The following SOX6 variants were observed in gnomAD, a reference collection of about 807,000 sequenced individuals.
The protein encoded by SOX6 is SRY-box transcription factor 6.
In SOX6, 11 loss-of-function variants were observed where a neutral mutation model predicts 97.8. The ratio of observed to expected loss-of-function variants is 0.11; its 90% CI spans 0.07 to 0.19. The LOEUF (loss-of-function observed/expected upper bound fraction) is 0.19, where lower values mean the gene tolerates loss of function less well. Ranked by LOEUF, SOX6 falls within the 10% of genes least tolerant of loss-of-function variation. The pLI is 1.00. For synonymous variants in SOX6, 360 were observed against 371.4 expected, an observed-to-expected ratio of 0.97 and a Z score of 0.35; for missense variants, 810 against 1,039.5, an observed-to-expected ratio of 0.78 and a Z score of 3.04.
At chr11:16,717,473 T>A (rs916048356) in intron 2 of SOX6, among the ~76,000 whole-genome samples, 2 of 152,194 alleles carry the variant, frequency 1.3e-5, no homozygotes, top group Non-Finnish European at 2.9e-5. Flanking sequence ...TATTCATTTT[T>A]CTATTTCTTT....
intron 1 of SOX6, among the ~76,000 whole-genome samples, chr11:16,439,190 T>C (rs1859449912): frequency 6.6e-6 from 1 of 152,202 alleles, no homozygotes; most frequent in African/African-American, 2.4e-5. Flanking sequence ...ATAATTATGC[T>C]ACTATTCACA....
intron 13 of SOX6, among the ~76,000 whole-genome samples, chr11:16,002,842 C>A (rs149808513): frequency 1.6e-3 from 240 of 152,272 alleles, no homozygotes; most frequent in South Asian, 4.1e-3. Context: ...TTAAGAAGTG[C>A]AAAGCAAGAT....
At chr11:16,144,721 A>T (rs972301130) in intron 6 of SOX6, among the ~76,000 whole-genome samples, 60 of 152,206 alleles carry the variant, frequency 3.9e-4, no homozygotes, top group Non-Finnish European at 5.7e-4. Context: ...ATTATCAACA[A>T]CTCTATGCAA....
chr11:16,389,230 G>A (rs559647657), intron 1 of SOX6, among the ~76,000 whole-genome samples: 22 of 152,092 alleles, frequency 1.4e-4, no homozygotes, highest in East Asian at 1.4e-3. Context: ...CTATAGGTTC[G>A]TGTCACCACC....
chr11:16,490,431 C>T (rs1289568183), intron 4 of SOX6, among the ~76,000 whole-genome samples: 1 of 151,642 alleles, frequency 6.6e-6, no homozygotes, highest in Non-Finnish European at 1.5e-5. Context: ...TTCTATATAC[C>T]ACTTGTTTCC....
chr11:16,369,288 A>G lies in SOX6; in HGVS notation c.-4-28036T>C, dbSNP rs560846979. The stretch of plus-strand genomic sequence containing the variant: ...TAATTCCTCAAATGTCATATTCTCA[A>G]TGAGTTCTTCTCTGATCATCCTATT... On this transcript the variant is annotated intron_variant, in intron 1 of 15. Transcript: ENST00000396356. Among the ~76,000 whole-genome samples the G allele has an allele frequency of 3.9e-5, 6 of 152,202 alleles. No homozygotes were observed. In the South Asian group the frequency reaches 8.3e-4, roughly 21 times the overall value.
rs1278451686 is a variant in SOX6, at chr11:16,389,965, G to A, written c.-4-48713C>T. On this transcript the variant is annotated intron_variant, in intron 1 of 15. Transcript: ENST00000396356. ...AGCCTGGGCGACAGGGCAAGACTCC[G>A]TCTTAAAAAAAAAAAAAAAAAAAAA... Among the ~76,000 whole-genome samples, 4 of 33,010 alleles carry A rather than the reference G, an allele frequency of 1.2e-4. 1 individual carries two copies. In the Admixed American group the frequency reaches 1.4e-3, roughly 12 times the overall value. The allele number at this position is 33,010 out of a possible 152,430, so 21.7% of individuals were successfully genotyped here.
chr11:16,112,157 C>A (rs903713709), intron 6 of SOX6, among the ~76,000 whole-genome samples: 6 of 152,140 alleles, frequency 3.9e-5, no homozygotes, highest in Non-Finnish European at 7.3e-5. Context: ...CTGCTTCCAC[C>A]GAACTGTAGT....
intron 4 of SOX6, among the ~76,000 whole-genome samples, chr11:16,579,396 TA>T (rs1449112759): frequency 6.6e-6 from 1 of 151,938 alleles, no homozygotes; most frequent in Non-Finnish European, 1.5e-5. Context: ...GACCAAGCTA[TA>T]AAACATCCCC....
intron 12 of SOX6, among the ~76,000 whole-genome samples, chr11:16,021,866 C>T (rs956810062): frequency 6.6e-6 from 1 of 152,066 alleles, no homozygotes; most frequent in African/African-American, 2.4e-5. Flanking sequence ...AAAGCCCTTT[C>T]CAATGAGTAC....
chr11:16,449,277 CTTTTTTTTTTTTTTT>C lies in SOX6; in HGVS notation c.-5+27023_-5+27037del, dbSNP rs10611823. On this transcript the variant is annotated intron_variant, in intron 1 of 15. Coordinates refer to the SOX6 transcript ENST00000396356. ...AGTGTAAAATTATAAAATGCTCCTT[CTTTTTTTTTTTTTTT>C]TTTTTTTTTTTTTTTTTTGAGACGG... Among the ~76,000 whole-genome samples, 319 of 62,956 alleles carry C rather than the reference CTTTTTTTTTTTTTTT, an allele frequency of 5.1e-3. 2 individuals carry two copies. Among genetic ancestry groups the C allele is most frequent in the African/African-American group, 0.019 (266 of 13,972 alleles). 41.3% of individuals were successfully genotyped at this position (62,956 alleles called of 152,430 possible).
intron 3 of SOX6, among the ~76,000 whole-genome samples, chr11:16,658,608 T>C (rs1241047883): frequency 2.0e-5 from 3 of 151,810 alleles, no homozygotes; most frequent in South Asian, 2.1e-4. Flanking sequence ...CTAGGGAGGC[T>C]GAGGCAAGAG....
chr11:16,585,681 CTTT>C (rs35531411), intron 4 of SOX6, among the ~76,000 whole-genome samples: 8 of 108,318 alleles, frequency 7.4e-5, no homozygotes, highest in Non-Finnish European at 1.1e-4. Context: ...TTTTTTTTTA[CTTT>C]TTTTTTTTTT....
chr11:16,636,720 T>C (rs1290275773), intron 3 of SOX6, among the ~76,000 whole-genome samples: 1 of 152,172 alleles, frequency 6.6e-6, no homozygotes, highest in Admixed American at 6.5e-5. Flanking sequence ...TGGGAGGCAA[T>C]TGAATCATGG....
intron 12 of SOX6, among the ~76,000 whole-genome samples, chr11:16,039,548 C>T (rs1416365768): frequency 2.0e-5 from 3 of 151,962 alleles, no homozygotes; most frequent in African/African-American, 4.8e-5. Context: ...CATTCTTATT[C>T]TCTCTTGAAT....
chr11:16,283,095 A>G (rs1001786083), intron 3 of SOX6, among the ~76,000 whole-genome samples: 2 of 136,016 alleles, frequency 1.5e-5, no homozygotes, highest in African/African-American at 2.7e-5. Context: ...ATTTGTATAT[A>G]TATATATATA....
chr11:16,634,508 A>T (rs1168477960), intron 3 of SOX6, among the ~76,000 whole-genome samples: 4 of 152,186 alleles, frequency 2.6e-5, no homozygotes, highest in African/African-American at 9.6e-5. Flanking sequence ...TTTGTTCCTC[A>T]CATATAAAAC....
At chr11:16,379,585 T>TA (rs976586370) in intron 1 of SOX6, among the ~76,000 whole-genome samples, 2 of 152,092 alleles carry the variant, frequency 1.3e-5, no homozygotes, top group African/African-American at 4.8e-5. Context: ...TGACAATGGT[T>TA]AAAAAAATAA....
chr11:16,559,202 A>C (rs1189988208), intron 4 of SOX6, among the ~76,000 whole-genome samples: 3 of 152,090 alleles, frequency 2.0e-5, no homozygotes, highest in Non-Finnish European at 4.4e-5. Flanking sequence ...TCCTTTAATC[A>C]ATAAAATACC....
Sources: allele counts gnomAD v4.1 joint callset (sites outside exome capture counted in the v4.1 genomes callset), GRCh38; gene constraint gnomAD v4.1.1; transcripts MANE v1.5; gene names NCBI Gene and HGNC (gene_info 2026-07-23, HGNC 2026-07-21).